The following PSPC1 variants were observed in gnomAD, a reference collection of about 807,000 sequenced individuals.
PSPC1 encodes paraspeckle component 1.
Under a neutral mutation model 51.6 loss-of-function variants are expected in PSPC1, and 14 were observed. The ratio of observed to expected loss-of-function variants is 0.27; its 90% CI spans 0.18 to 0.42. The LOEUF (loss-of-function observed/expected upper bound fraction) is 0.42, where lower values mean the gene tolerates loss of function less well. Ranked by LOEUF, PSPC1 falls within the 10% of genes least tolerant of loss-of-function variation. PSPC1 has a pLI of 1.00. For synonymous variants in PSPC1, 193 were observed against 231.9 expected, an observed-to-expected ratio of 0.83 and a Z score of 1.53; for missense variants, 406 against 701.1, an observed-to-expected ratio of 0.58 and a Z score of 4.75.
rs763380212 is a variant in PSPC1, at chr13:19,730,349, A to G, written c.1053-5T>C. On this transcript the variant is annotated splice_region_variant and splice_polypyrimidine_tract_variant and intron_variant, in intron 5 of 8. Transcript: ENST00000338910. ...CGCCGATGCTCCTCTTCATGTCTGA[A>G]AATTTTTCAAATAAAAATTTCAGCA... is the stretch of plus-strand genomic sequence containing the variant. 8.1e-6 allele frequency: 13 copies of G among 1,613,392 alleles called. No homozygotes were observed. The Admixed American group carries it at 1.2e-4, about 15-fold the overall frequency.
downstream of PSPC1, chr13:19,672,060 C>T (rs1458209869): frequency 1.6e-6 from 1 of 617,120 alleles, no homozygotes; most frequent in Non-Finnish European, 2.9e-6. Flanking sequence ...ATGCCGGAAT[C>T]TCAGTGCAGT....
chr13:19,759,715 A>G (rs1301089079), intron 2 of PSPC1, among the ~76,000 whole-genome samples: 1 of 152,060 alleles, frequency 6.6e-6, no homozygotes, highest in Non-Finnish European at 1.5e-5. Flanking sequence ...ACAAAAAATT[A>G]GCCGGGCATT....
At position 19,782,482 on chromosome 13, in the gene PSPC1, G is replaced by A. The variant is rs1283461413; in HGVS notation, c.276C>T (p.Asp92=). 4 of 1,613,034 alleles carry A rather than the reference G, an allele frequency of 2.5e-6. No individual in the cohort carries two copies. Among genetic ancestry groups the A allele is most frequent in the African/African-American group, 2.7e-5 (2 of 74,772 alleles). The part of the protein sequence containing the change: ...CRLFVGNLPT[D]ITEEDFKRLF... ...GCCTCTTGAAGTCCTCCTCCGTGAT[G>A]TCGGTGGGCAGATTTCCCACGAAGA... The change falls in exon 1 of 9, where the codon GAC becomes GAT. Residue 92 remains aspartate, a synonymous_variant. Coordinates refer to ENST00000338910, the MANE Select transcript of PSPC1 (RefSeq NM_001354909.2). The surrounding 1 kb of genome is among the most constrained non-coding windows in gnomAD (Gnocchi z 4.5).
At chr13:19,699,652 G>A (rs1233471452), downstream of PSPC1, among the ~76,000 whole-genome samples, 1 of 151,224 alleles carries the variant, frequency 6.6e-6, no homozygotes, top group African/African-American at 2.4e-5. Context: ...GTTTTTGGAG[G>A]CATGTGTTGA....
chr13:19,713,280 T>A (rs1056157687), intron 6 of PSPC1, among the ~76,000 whole-genome samples: 5 of 152,142 alleles, frequency 3.3e-5, no homozygotes, highest in African/African-American at 1.2e-4. Flanking sequence ...CTCAAAAGAC[T>A]GCAGTGCGCT....
intron 2 of PSPC1, among the ~76,000 whole-genome samples, chr13:19,770,399 C>T (rs1386743357): frequency 2.0e-5 from 3 of 152,186 alleles, no homozygotes; most frequent in African/African-American, 7.2e-5. Context: ...GTGGCTCACA[C>T]CTGTAATCCC....
intron 6 of PSPC1, among the ~76,000 whole-genome samples, chr13:19,721,222 A>T (rs929034055): frequency 6.6e-6 from 1 of 152,114 alleles, no homozygotes; most frequent in Non-Finnish European, 1.5e-5. Flanking sequence ...ACAAAGCAGA[A>T]GTAACAAGTT....
intron 6 of PSPC1, among the ~76,000 whole-genome samples, chr13:19,715,105 C>T (rs1881937376): frequency 6.6e-6 from 1 of 152,290 alleles, no homozygotes; most frequent in East Asian, 1.9e-4. Context: ...CGACTCTTAA[C>T]TCTGTAACGT....
rs769993596 is a variant in PSPC1 at position 19,782,712 on chromosome 13, G to A, written c.46C>T (p.Pro16Ser). The change falls in exon 1 of 9, where the codon CCG becomes TCG. Residue 16 changes from proline to serine, a missense_variant. Pro to Ser is a moderately conservative substitution (Grantham distance 74). Coordinates refer to ENST00000338910, the MANE Select transcript of PSPC1 (RefSeq NM_001354909.2). This position sits in a 1 kb window ranked among gnomAD's most constrained non-coding sequence, Gnocchi z 4.5. ...NLKQVRIEKN[P>S]ARLRALESAV... ...GACTCCAGGGCGCGAAGGCGGGCCGGGTTTTTCTCAATGCGCACTTGCTTC... is the reference window on the plus strand; with the variant it reads ...GACTCCAGGGCGCGAAGGCGGGCCGAGTTTTTCTCAATGCGCACTTGCTTC... 7.6e-6 allele frequency: 12 copies of A among 1,569,450 alleles called. No homozygotes were observed. The highest frequency in any genetic ancestry group is 1.0e-5 in the Non-Finnish European group (12 of 1,168,720).
chr13:19,735,707 A>T (rs1167970735), intron 5 of PSPC1, among the ~76,000 whole-genome samples: 2 of 152,188 alleles, frequency 1.3e-5, no homozygotes, highest in Non-Finnish European at 2.9e-5. Flanking sequence ...CAGCCAGATA[A>T]ATCTCTTCAA....
chr13:19,738,022 C>T lies in PSPC1; in HGVS notation c.1052+3543G>A, dbSNP rs562545998. On this transcript the variant is annotated intron_variant, in intron 5 of 8. Coordinates refer to ENST00000338910, the MANE Select transcript of PSPC1 (RefSeq NM_001354909.2). ...GCAGGATTGTTTGAGCTCAGGAGTT[C>T]GAGGTTACAGTCAGCTATGATTGAG... Among the ~76,000 whole-genome samples the T allele has an allele frequency of 1.1e-4, 16 of 152,154 alleles. No homozygotes were observed. The East Asian group carries it at 1.5e-3, about 15-fold the overall frequency.
At chr13:19,750,711 T>G (rs1327202251) in intron 4 of PSPC1, among the ~76,000 whole-genome samples, 1 of 152,172 alleles carries the variant, frequency 6.6e-6, no homozygotes, top group African/African-American at 2.4e-5. Context: ...TATTTGATAC[T>G]GGCACAATTT....
At chr13:19,727,864 T>C (rs982309425) in intron 6 of PSPC1, among the ~76,000 whole-genome samples, 1 of 152,184 alleles carries the variant, frequency 6.6e-6, no homozygotes, top group Non-Finnish European at 1.5e-5. Context: ...ATACACTCTA[T>C]ATTATGGTAA....
intron 2 of PSPC1, among the ~76,000 whole-genome samples, chr13:19,764,395 T>A (rs1887865251): frequency 6.6e-6 from 1 of 152,080 alleles, no homozygotes; most frequent in African/African-American, 2.4e-5. Context: ...CTGGTATACA[T>A]CTGGGGTTTT....
chr13:19,709,773 G>A (rs1881163754), intron 6 of PSPC1, among the ~76,000 whole-genome samples, 174 bp from the exon 7 acceptor site: 1 of 151,910 alleles, frequency 6.6e-6, no homozygotes, highest in African/African-American at 2.4e-5. Flanking sequence ...CAGTCTCCCA[G>A]GCTTAATATA....
intron 6 of PSPC1, among the ~76,000 whole-genome samples, chr13:19,692,926 A>C (rs1264252058): frequency 1.3e-5 from 2 of 152,226 alleles, no homozygotes; most frequent in East Asian, 3.9e-4. Context: ...TCTCTGCTCC[A>C]GAACATTGTT....
At chr13:19,755,742 T>G (rs1478721390) in intron 3 of PSPC1, among the ~76,000 whole-genome samples, 1 of 152,172 alleles carries the variant, frequency 6.6e-6, no homozygotes. Context: ...CGTTATTGAT[T>G]CCTTCTGATC....
At position 19,782,025 on chromosome 13, in the gene PSPC1, C is replaced by A. The variant is rs1035614599; in HGVS notation, c.372+361G>T. Among the ~76,000 whole-genome samples, 10 of 152,228 alleles carry A rather than the reference C, an allele frequency of 6.6e-5. No homozygotes were observed. The highest frequency in any genetic ancestry group is 2.4e-4 in the African/African-American group (10 of 41,464). ...CCCCAAAACGCTGCCCGCCCCTGTCCCCGGACCCTTTCGGTACCCGGGGCA... is the reference window on the plus strand; with the variant it reads ...CCCCAAAACGCTGCCCGCCCCTGTCACCGGACCCTTTCGGTACCCGGGGCA... On this transcript the variant is annotated intron_variant, in intron 1 of 8. Transcript: ENST00000338910. This position sits in a 1 kb window ranked among gnomAD's most constrained non-coding sequence, Gnocchi z 4.5.
intron 5 of PSPC1, among the ~76,000 whole-genome samples, chr13:19,739,551 C>T (rs1370971640): frequency 2.0e-5 from 3 of 151,960 alleles, no homozygotes. Context: ...AGTTCAAGAC[C>T]AGCCTGGCCA....
Sources: gnomAD v4.1 joint callset for allele counts (sites outside exome capture counted in the v4.1 genomes callset) on GRCh38, gnomAD v4.1.1 for gene constraint, Gnocchi (gnomAD v3.1) non-coding constraint, MANE v1.5 for transcripts, NCBI Gene and HGNC (gene_info 2026-07-23, HGNC 2026-07-21) for gene names.